The following SCAND1 variants were observed in gnomAD, a reference collection of about 807,000 sequenced individuals.
SCAND1 encodes the protein SCAN domain-containing protein 1.
A neutral mutation model predicts 3.4 loss-of-function variants in SCAND1; 3 were observed. The ratio of observed to expected loss-of-function variants is 0.87; its 90% CI spans 0.40 to 2.25. The LOEUF is 2.25. Among genes scored for constraint, SCAND1 ranks in the 30% most tolerant of loss-of-function variants. The pLI is 0.05. For missense variants in SCAND1, 303 were observed against 258.8 expected, an observed-to-expected ratio of 1.17 and a Z score of -1.17; for synonymous variants, 152 against 120.5, an observed-to-expected ratio of 1.26 and a Z score of -1.72.
chr20:35,954,005 T>A lies in SCAND1; in HGVS notation c.280A>T (p.Thr94Ser). The part of the protein sequence containing the change: ...APQAEAEARS[T>S]PGPAGSRLGP... ...AGTCTAGAGCCGGCGGGGCCTGGTG[T>A]GGAGCGCGCTTCAGCTTCGGCCTGA... Residue 94 changes from threonine to serine, a missense_variant, in exon 2 of 2, where the codon ACA (threonine) becomes TCA (serine). Coordinates refer to ENST00000305978, the MANE Select transcript of SCAND1 (RefSeq NM_033630.3). The A allele has an allele frequency of 6.5e-7, 1 of 1,548,222 alleles. No individual in the cohort carries two copies. Among genetic ancestry groups the A allele is most frequent in the Non-Finnish European group, 8.7e-7 (1 of 1,146,428 alleles).
rs1251344328 is a variant in SCAND1 at position 35,954,440 on chromosome 20, GAGCT to G, written c.-56+4_-56+7del. ...ACTCGGGACCGGCCGAGAGTGTGCG[GAGCT>G]TACCTGCACCAGCGAAGCGCCTGCG... On this transcript the variant is annotated splice_donor_5th_base_variant and intron_variant, in intron 1 of 1. Transcript: ENST00000305978. 6 of 1,549,618 alleles carry G rather than the reference GAGCT, an allele frequency of 3.9e-6. No homozygotes were observed. The African/African-American group carries it at 5.5e-5, about 14-fold the overall frequency.
At chr20:35,958,005 T>C (rs1381697169), upstream of SCAND1, among the ~76,000 whole-genome samples, 3 of 152,368 alleles carry the variant, frequency 2.0e-5, no homozygotes, top group South Asian at 2.1e-4. Context: ...AGAGCTCTCA[T>C]ATGAGTCCCA....
At chr20:35,955,603 C>G (rs2056248539), upstream of SCAND1, among the ~76,000 whole-genome samples, 1 of 152,140 alleles carries the variant, frequency 6.6e-6, no homozygotes, top group Non-Finnish European at 1.5e-5. Context: ...AAACTGCTTG[C>G]TATCTCTGAG....
At chr20:35,956,081 G>T (rs1005378166), upstream of SCAND1, among the ~76,000 whole-genome samples, 1 of 152,136 alleles carries the variant, frequency 6.6e-6, no homozygotes, top group Non-Finnish European at 1.5e-5. Flanking sequence ...AAAGGACAGG[G>T]GCCTCATATG....
Position 35,954,480 on chromosome 20 carries a change from G to A in SCAND1, c.-88C>T, listed in dbSNP as rs755111676. 22 of 1,546,482 alleles carry A rather than the reference G, an allele frequency of 1.4e-5. No homozygotes were observed. The highest frequency in any genetic ancestry group is 8.4e-5 in the South Asian group (7 of 83,220). ...AGCGAAGCGCCTGCGGCAGCCGGAA[G>A]CGAAAGTCTCTGGCTTCTCTGCGTC... is the stretch of plus-strand genomic sequence containing the variant. On this transcript the variant is annotated 5_prime_UTR_variant, in exon 1 of 2. Coordinates refer to ENST00000305978, the MANE Select transcript of SCAND1 (RefSeq NM_033630.3).
At chr20:35,956,976 A>C (rs931560498), upstream of SCAND1, among the ~76,000 whole-genome samples, 3 of 152,228 alleles carry the variant, frequency 2.0e-5, no homozygotes, top group African/African-American at 7.2e-5. Flanking sequence ...GGTGGGGGTT[A>C]AATCATAAAT....
In SCAND1 at chr20:35,954,210, G is replaced by A. The variant is rs2056216594; in HGVS notation, c.75C>T (p.Ala25=). ...TACGCTCAGGGGCTGAGCTCGAACC[G>A]GCTCCTTCCAGTTTCTCCGGTGGCA... ...AAVPPEKLEG[A]GSSSAPERNC... Residue 25 remains alanine (A), a synonymous_variant, in exon 2 of 2, where the codon GCC becomes GCT. Coordinates refer to ENST00000305978, the MANE Select transcript of SCAND1 (RefSeq NM_033630.3). 4 of 1,612,402 alleles carry A rather than the reference G, an allele frequency of 2.5e-6. No homozygotes were observed. The highest frequency in any genetic ancestry group is 1.3e-5 in the African/African-American group (1 of 74,922).
At position 35,953,881 on chromosome 20, in the gene SCAND1, T is replaced by G; in HGVS notation, c.404A>C (p.Gln135Pro). 1.3e-6 allele frequency: 2 copies of G among 1,573,662 alleles called. No individual in the cohort carries two copies. Among genetic ancestry groups the G allele is most frequent in the Non-Finnish European group, 8.6e-7 (1 of 1,161,898 alleles). Residue 135 changes from glutamine to proline, a missense_variant, in exon 2 of 2, where the codon CAG (glutamine) becomes CCG (proline). By Grantham distance (76) the Gln-to-Pro change is moderately conservative. Coordinates refer to ENST00000305978, the MANE Select transcript of SCAND1 (RefSeq NM_033630.3). ...AFRQLRELSR[Q>P]WLRPDIRTKE... ...GGTGCGGATGTCAGGCCGCAGCCAC[T>G]GGCGGGACAGCTCCCGCAGCTGCCG... is the stretch of plus-strand genomic sequence containing the variant.
rs534528288 is a variant in SCAND1, at chr20:35,953,765, C to T, written c.520G>A (p.Asp174Asn). Reference sequence around the variant, plus strand: ...ACCGCTCAGCCAGTGATGCGCACATCCGTGCGGCGGCGGATCCGCCGGGCC... The same window carrying T: ...ACCGCTCAGCCAGTGATGCGCACATTCGTGCGGCGGCGGATCCGCCGGGCC... ...ARARRIRRRT[D>N]VRITG The change falls in exon 2 of 2, where the codon GAT (aspartate) becomes AAT (asparagine). Residue 174 changes from aspartate to asparagine, a missense_variant. Asp to Asn is a conservative substitution (Grantham distance 23). Coordinates refer to ENST00000305978, the MANE Select transcript of SCAND1 (RefSeq NM_033630.3). 4.5e-5 allele frequency: 67 copies of T among 1,480,524 alleles called. No individual in the cohort carries two copies. The highest frequency in any genetic ancestry group is 5.5e-5 in the Non-Finnish European group (62 of 1,118,918). 91.7% of individuals were successfully genotyped at this position (1,480,524 alleles called of 1,614,324 possible). A position where few individuals can be genotyped will look rare whatever the true frequency, so the allele number is the denominator to read the frequency against.
At chr20:35,956,763 A>G (rs541193452), upstream of SCAND1, among the ~76,000 whole-genome samples, 65 of 152,286 alleles carry the variant, frequency 4.3e-4, no homozygotes, top group African/African-American at 1.5e-3. Flanking sequence ...TGTGGAGGCA[A>G]GAGGTGATAG....
chr20:35,956,189 T>TA (rs762034989), upstream of SCAND1, among the ~76,000 whole-genome samples: 60 of 152,354 alleles, frequency 3.9e-4, no homozygotes, highest in Non-Finnish European at 5.1e-4. Context: ...ATATAAAACT[T>TA]ACCCCTACCA....
upstream of SCAND1, among the ~76,000 whole-genome samples, chr20:35,957,291 T>C (rs901805193): frequency 1.1e-4 from 16 of 152,146 alleles, no homozygotes; most frequent in African/African-American, 3.9e-4. Flanking sequence ...TGAAACAAGA[T>C]TGGCTCAGTA....
chr20:35,958,660 G>A (rs539729232), upstream of SCAND1, among the ~76,000 whole-genome samples: 3 of 152,098 alleles, frequency 2.0e-5, no homozygotes, highest in South Asian at 6.2e-4. Flanking sequence ...GTGTGTGTGT[G>A]TAGGTCTATG....
chr20:35,954,517 G>C (rs2056228387), upstream of SCAND1: 1 of 1,528,688 alleles, frequency 6.5e-7, no homozygotes, highest in Admixed American at 2.0e-5. Context: ...AGGTCGGCGC[G>C]CGAGCACCCG....
At position 35,953,978 on chromosome 20, in the gene SCAND1, C is replaced by G; in HGVS notation, c.307G>C (p.Gly103Arg). The change falls in exon 2 of 2, where the codon GGT becomes CGT. Residue 103 changes from glycine to arginine, a missense_variant. Gly to Arg is a moderately radical substitution (Grantham distance 125). Transcript: ENST00000305978. ...AAACGCTGGCGGAACGTCTCGGGAC[C>G]GAGTCTAGAGCCGGCGGGGCCTGGT... ...STPGPAGSRLGPETFRQRFRQ... is the reference protein window; with the variant it reads ...STPGPAGSRLRPETFRQRFRQ... 1 of 1,558,522 alleles carries G rather than the reference C, an allele frequency of 6.4e-7. No individual in the cohort carries two copies. The highest frequency in any genetic ancestry group is 8.7e-7 in the Non-Finnish European group (1 of 1,152,244).
chr20:35,954,708 A>G (rs2056232950), upstream of SCAND1: 1 of 1,020,796 alleles, frequency 9.8e-7, no homozygotes, highest in East Asian at 5.9e-5. Flanking sequence ...GTTTGGAGAT[A>G]GACTTCAAGT....
chr20:35,953,705 G>T lies in SCAND1; in HGVS notation c.*40C>A. The stretch of plus-strand genomic sequence containing the variant: ...CCGGGCCCGATCATGGCCCCAGTCC[G>T]CACAGAGCGCCCGGCCCTGGCCGCC... On this transcript the variant is annotated 3_prime_UTR_variant, in exon 2 of 2. Coordinates refer to ENST00000305978, the MANE Select transcript of SCAND1 (RefSeq NM_033630.3). The T allele has an allele frequency of 7.5e-7, 1 of 1,340,942 alleles. No individual in the cohort carries two copies. Among genetic ancestry groups the T allele is most frequent in the African/African-American group, 1.5e-5 (1 of 64,856 alleles). 83.1% of individuals were successfully genotyped at this position (1,340,942 alleles called of 1,614,324 possible).
At chr20:35,954,609 G>A (rs551273283), upstream of SCAND1, 4,445 of 1,371,808 alleles carry the variant, frequency 3.2e-3, 27 homozygotes, top group South Asian at 0.016. Context: ...CGCGGTGCGG[G>A]AGGGCGAGCT....
chr20:35,958,657 T>C (rs981259638), upstream of SCAND1, among the ~76,000 whole-genome samples: 1 of 152,166 alleles, frequency 6.6e-6, no homozygotes, highest in African/African-American at 2.4e-5. Flanking sequence ...TGTGTGTGTG[T>C]GTGTAGGTCT....
Sources: gnomAD v4.1 joint callset for allele counts (sites outside exome capture counted in the v4.1 genomes callset) on GRCh38, gnomAD v4.1.1 for gene constraint, MANE v1.5 for transcripts, NCBI Gene and HGNC (gene_info 2026-07-23, HGNC 2026-07-21) for gene names.